Variants in SDK1 observed in about 807,000 individuals in gnomAD.
SDK1 encodes sidekick cell adhesion molecule 1.
Under a neutral mutation model 245.5 loss-of-function variants are expected in SDK1, and 157 were observed. The ratio of observed to expected loss-of-function variants is 0.64; its 90% CI spans 0.56 to 0.73. SDK1 has a LOEUF of 0.73. Among genes scored for constraint, SDK1 ranks in the 30% least tolerant of loss-of-function variants. The pLI, the probability that SDK1 is intolerant of heterozygous loss-of-function variation, is 0.00. For missense variants in SDK1, 3,583 were observed against 3,002.3 expected (o/e 1.19, Z -4.52); for synonymous variants, 1,647 against 1,278.5 (o/e 1.29, Z -6.15).
intron 41 of SDK1, 42 bp from the exon 42 acceptor site, chr7:4,237,605 G>A (rs752679018): frequency 1.2e-6 from 2 of 1,612,214 alleles, no homozygotes; most frequent in Non-Finnish European, 8.5e-7. Context: ...TGCAGCTGGA[G>A]CGTCTGCCCC....
chr7:4,102,817 C>A (rs1451546965), intron 22 of SDK1, among the ~76,000 whole-genome samples: 2 of 152,150 alleles, frequency 1.3e-5, no homozygotes, highest in African/African-American at 4.8e-5. Context: ...GCGGCAGCAT[C>A]CCCGTGGGTA....
chr7:4,139,877 C>T (rs1292154864), intron 28 of SDK1, among the ~76,000 whole-genome samples: 3 of 152,100 alleles, frequency 2.0e-5, no homozygotes, highest in Non-Finnish European at 2.9e-5. Flanking sequence ...TGGGTGGAGC[C>T]CTCGGGACTC....
chr7:3,643,282 C>G (rs1782710578), intron 4 of SDK1: 1 of 150,244 alleles, frequency 6.7e-6, no homozygotes, highest in Non-Finnish European at 1.5e-5. Flanking sequence ...TCTGTGGAAT[C>G]CTTTCCCTAA....
chr7:4,150,766 A>C (rs934826110), intron 30 of SDK1, among the ~76,000 whole-genome samples: 1 of 152,190 alleles, frequency 6.6e-6, no homozygotes, highest in African/African-American at 2.4e-5. Context: ...TGTGGGTGTA[A>C]CTGGTCCTAG....
chr7:3,873,536 G>C (rs1440222375), intron 5 of SDK1, among the ~76,000 whole-genome samples: 1 of 151,994 alleles, frequency 6.6e-6, no homozygotes, highest in African/African-American at 2.4e-5. Flanking sequence ...CATTTCTTCT[G>C]TCCCTTCTGT....
chr7:3,993,070 A>G (rs899154712), intron 14 of SDK1, among the ~76,000 whole-genome samples: 86 of 152,306 alleles, frequency 5.6e-4, no homozygotes, highest in African/African-American at 1.9e-3. Flanking sequence ...TCTTTGATAC[A>G]TGTTGATTCT....
intron 14 of SDK1, among the ~76,000 whole-genome samples, chr7:3,992,309 C>T (rs1014625633): frequency 6.6e-6 from 1 of 152,222 alleles, no homozygotes; most frequent in African/African-American, 2.4e-5. Flanking sequence ...ATGGGAGATA[C>T]ACGTGGCCCT....
chr7:4,215,866 C>T (rs757085466), intron 38 of SDK1, among the ~76,000 whole-genome samples: 13 of 152,138 alleles, frequency 8.5e-5, no homozygotes, highest in Non-Finnish European at 1.3e-4. Flanking sequence ...CACTCCTCAC[C>T]GTGGTCCTAT....
intron 1 of SDK1, among the ~76,000 whole-genome samples, chr7:3,441,170 A>C (rs938814215): frequency 6.6e-6 from 1 of 152,150 alleles, no homozygotes; most frequent in South Asian, 2.1e-4. Flanking sequence ...TTATTACAGT[A>C]TGTTATAATT....
chr7:4,230,004 A>AATGG (rs528007246), intron 40 of SDK1, among the ~76,000 whole-genome samples: 180 of 123,426 alleles, frequency 1.5e-3, no homozygotes, highest in Non-Finnish European at 2.3e-3. Context: ...ATGGATGGAT[A>AATGG]ATGGATGGAT....
intron 41 of SDK1, among the ~76,000 whole-genome samples, chr7:4,237,005 CA>C (rs1786208509): frequency 6.6e-6 from 1 of 152,034 alleles, no homozygotes; most frequent in Admixed American, 6.5e-5. Flanking sequence ...CTCCTGGGCT[CA>C]AGTGATCCTC....
intron 4 of SDK1, among the ~76,000 whole-genome samples, chr7:3,723,973 GAGAGAA>G (rs1562397891): frequency 4.1e-5 from 6 of 147,236 alleles, no homozygotes; most frequent in Non-Finnish European, 6.0e-5. Flanking sequence ...GAGAGAGAGA[GAGAGAA>G]AGAGAGAGAG....
At chr7:3,919,106 T>A (rs1779494214) in intron 5 of SDK1, among the ~76,000 whole-genome samples, 1 of 152,230 alleles carries the variant, frequency 6.6e-6, no homozygotes. Context: ...ATATTCCATC[T>A]CACATAATCT....
intron 5 of SDK1, among the ~76,000 whole-genome samples, chr7:3,909,732 G>A (rs1779094329): frequency 6.6e-6 from 1 of 152,206 alleles, no homozygotes. Flanking sequence ...AAGAAGCTCA[G>A]GGATTAAAGA....
At chr7:3,560,226 G>C (rs1779705644) in intron 1 of SDK1, among the ~76,000 whole-genome samples, 3 of 152,176 alleles carry the variant, frequency 2.0e-5, no homozygotes, top group Non-Finnish European at 2.9e-5. Context: ...ATCTTTAGAA[G>C]TACGTACTTC....
chr7:3,905,861 C>T (rs775826243), intron 5 of SDK1, among the ~76,000 whole-genome samples: 10 of 152,084 alleles, frequency 6.6e-5, no homozygotes, highest in Admixed American at 2.0e-4. Flanking sequence ...TGGCCTCAAG[C>T]GATCCTCCCA....
chr7:3,439,197 A>T (rs1780121711), intron 1 of SDK1, among the ~76,000 whole-genome samples: 1 of 152,030 alleles, frequency 6.6e-6, no homozygotes, highest in South Asian at 2.1e-4. Flanking sequence ...GCAGTTCATC[A>T]CATTTTTGGG....
At chr7:4,133,671 G>A (rs1451634347) in intron 28 of SDK1, among the ~76,000 whole-genome samples, 3 of 152,172 alleles carry the variant, frequency 2.0e-5, no homozygotes, top group Non-Finnish European at 2.9e-5. Flanking sequence ...GATGGAGGCT[G>A]GGCCGGGTCT....
intron 1 of SDK1, among the ~76,000 whole-genome samples, chr7:3,356,830 A>G (rs11769238): frequency 0.61 from 92,753 of 151,656 alleles, 29,745 homozygotes; most frequent in African/African-American, 0.82. Flanking sequence ...GGCCGAGGCC[A>G]GTGGATCACG....
Sources: allele counts gnomAD v4.1 joint callset (sites outside exome capture counted in the v4.1 genomes callset), GRCh38; gene constraint gnomAD v4.1.1; transcripts MANE v1.5; gene names NCBI Gene and HGNC (gene_info 2026-07-23, HGNC 2026-07-21).